The following NEB variants were observed in gnomAD, a reference collection of about 807,000 sequenced individuals.
NEB encodes the protein nebulin, also known as nemaline myopathy type 2.
A neutral mutation model predicts 952.2 loss-of-function variants in NEB; 512 were observed. That is an observed-to-expected ratio of 0.54 (90% CI 0.50 to 0.58). The LOEUF is 0.58. Among genes scored for constraint, NEB ranks in the 20% least tolerant of loss-of-function variants. The pLI is 0.00. For synonymous variants in NEB, 2,900 were observed against 3,149.8 expected (o/e 0.92, Z 2.66); for missense variants, 8,428 against 9,231.1 (o/e 0.91, Z 3.56).
chr2:151,688,268 G>A, intron 25 of NEB, 24 bp downstream of exon 25: 2 of 1,507,118 alleles, frequency 1.3e-6, no homozygotes, highest in Non-Finnish European at 1.8e-6. Context: ...ACCAAACATA[G>A]GCTTCTGTGG....
chr2:151,501,144 A>C lies in NEB; in HGVS notation c.24021+247T>G, dbSNP rs559228102. Among the ~76,000 whole-genome samples, 106 of 152,320 alleles carry C rather than the reference A, an allele frequency of 7.0e-4. 1 individual carries two copies. The highest frequency in any genetic ancestry group is 2.5e-3 in the African/African-American group (104 of 41,570). On this transcript the variant is annotated intron_variant, in intron 168 of 181. Transcript: ENST00000397345. ...TTTCTGGAAATCAATTAACTTCAAC[A>C]GTCCCAACAACATAAAGATGAAAAG... is the stretch of plus-strand genomic sequence containing the variant.
Position 151,625,567 on chromosome 2 carries a change from C to T in NEB, c.10419G>A (p.Met3473Ile), listed in dbSNP as rs368842783. Residue 3473 changes from methionine (M) to isoleucine (I), a missense_variant, in exon 71 of 182, where the codon ATG (methionine) becomes ATA (isoleucine). By Grantham distance (10) the Met-to-Ile change is conservative. Transcript: ENST00000397345. ...AATTTATTTTATTTTGTCTTGCCAACATGATTTCAGGTGTATCAGGCATAA... is the reference window on the plus strand; with the variant it reads ...AATTTATTTTATTTTGTCTTGCCAATATGATTTCAGGTGTATCAGGCATAA... The part of the protein sequence containing the change: ...VHIMPDTPEI[M>I]LARQNKINYS... The T allele has an allele frequency of 1.1e-4, 182 of 1,605,110 alleles. No homozygotes were observed. The highest frequency in any genetic ancestry group is 1.5e-4 in the Non-Finnish European group (176 of 1,173,918).
chr2:151,644,274 G>C, intron 56 of NEB, 145 bp from the exon 57 acceptor site: 6 of 1,245,830 alleles, frequency 4.8e-6, no homozygotes, highest in Non-Finnish European at 6.7e-6. Context: ...AAGATTAAAG[G>C]CTAAATTCAG....
chr2:151,595,088 G>A (rs1225306721), intron 92 of NEB, among the ~76,000 whole-genome samples: 1 of 100,472 alleles, frequency 1.0e-5, no homozygotes, highest in Admixed American at 9.5e-5. Flanking sequence ...AGCAGATAAC[G>A]TGGACTAGCT....
intron 45 of NEB, among the ~76,000 whole-genome samples, chr2:151,662,742 A>G (rs2099162405): frequency 6.6e-6 from 1 of 152,178 alleles, no homozygotes; most frequent in Non-Finnish European, 1.5e-5. Context: ...ATGACTATGG[A>G]AACCCCATTT....
At chr2:151,680,893 C>A in intron 29 of NEB, 65 bp from the exon 30 acceptor site, 1 of 1,257,438 alleles carries the variant, frequency 8.0e-7, no homozygotes, top group Non-Finnish European at 1.2e-6. Context: ...ACGTCAAAAT[C>A]CTTGAAATTT....
intron 35 of NEB, 116 bp downstream of exon 35, chr2:151,675,171 G>T: frequency 2.6e-6 from 2 of 771,046 alleles, no homozygotes; most frequent in Non-Finnish European, 4.5e-6. Context: ...ATATGTTCCA[G>T]TAGGGGATTT....
intron 115 of NEB, 53 bp from the exon 116 acceptor site, chr2:151,565,658 C>A: frequency 2.6e-6 from 4 of 1,565,200 alleles, no homozygotes; most frequent in Non-Finnish European, 3.5e-6. Flanking sequence ...GGTTATCTAC[C>A]CCAACATGGC....
At position 151,727,818 on chromosome 2, in the gene NEB, G is replaced by A; in HGVS notation, c.167C>T (p.Ala56Val). The A allele has an allele frequency of 6.2e-7, 1 of 1,613,378 alleles. No individual in the cohort carries two copies. Among genetic ancestry groups the A allele is most frequent in the Non-Finnish European group, 8.5e-7 (1 of 1,179,648 alleles). The change falls in exon 5 of 182, where the codon GCA becomes GTA. Residue 56 changes from alanine to valine, a missense_variant. By Grantham distance (64) the Ala-to-Val change is moderately conservative. Coordinates refer to ENST00000397345, the MANE Select transcript of NEB (RefSeq NM_001164508.2). Reference sequence around the variant, plus strand: ...CTTTGCTGATGCTGGCTGTGCCAGTGCTGGCTGTGCCAGAGCTGGTTTGGA... The same window carrying A: ...CTTTGCTGATGCTGGCTGTGCCAGTACTGGCTGTGCCAGAGCTGGTTTGGA... ...ETSKPALAQP[A>V]LAQPASAKPV...
At chr2:151,568,836 G>A (rs138997554) in intron 110 of NEB, 120 bp from the exon 111 acceptor site, 46 of 711,502 alleles carry the variant, frequency 6.5e-5, no homozygotes, top group Middle Eastern at 2.5e-4. Context: ...TTTGAATAGC[G>A]TCTTCTTGGG....
intron 7 of NEB, 31 bp downstream of exon 7, chr2:151,724,826 A>C (rs1160148199): frequency 6.4e-7 from 1 of 1,567,428 alleles, no homozygotes; most frequent in South Asian, 1.1e-5. Context: ...CATGCTACTG[A>C]GTACCCCAGC....
intron 124 of NEB, among the ~76,000 whole-genome samples, chr2:151,557,611 A>G (rs868071535): frequency 1.4e-4 from 21 of 152,360 alleles, no homozygotes; most frequent in Middle Eastern, 3.4e-3. Context: ...TCGATGTGAA[A>G]ATACTCAATA....
intron 36 of NEB, 70 bp from the exon 37 acceptor site, chr2:151,672,750 T>A: frequency 1.5e-6 from 2 of 1,336,852 alleles, no homozygotes; most frequent in South Asian, 2.9e-5. Context: ...TACATTCACA[T>A]ATAAAGACAC....
chr2:151,575,024 G>A (rs1398910279), intron 107 of NEB, among the ~76,000 whole-genome samples: 1 of 152,158 alleles, frequency 6.6e-6, no homozygotes, highest in Non-Finnish European at 1.5e-5. Flanking sequence ...ATAGGCATGA[G>A]CCACCATGCC....
At chr2:151,610,491 A>G (rs2097908526) in intron 80 of NEB, 25 bp downstream of exon 80, 1 of 1,554,376 alleles carries the variant, frequency 6.4e-7, no homozygotes, top group African/African-American at 1.4e-5. Flanking sequence ...TGGAGACCAC[A>G]GAGAGTTAGA....
At chr2:151,505,434 A>AGAT in intron 165 of NEB, 44 bp downstream of exon 165, 1 of 1,496,050 alleles carries the variant, frequency 6.7e-7, no homozygotes, top group Non-Finnish European at 9.3e-7. Flanking sequence ...AGCAATTGAG[A>AGAT]GATGGCCAGT....
At position 151,562,124 on chromosome 2, in the gene NEB, C is replaced by T. The variant is rs377429434; in HGVS notation, c.18982G>A (p.Asp6328Asn). Residue 6328 changes from aspartate to asparagine, a missense_variant, in exon 121 of 182, where the codon GAC becomes AAC. By Grantham distance (23) the Asp-to-Asn change is conservative (BLOSUM62 1). This residue lies in a region of NEB where 3,374 missense variants were observed against 3,651.5 expected (regional missense o/e 0.92). Transcript: ENST00000397345. ...PQILHAKKSYDLQSQLQYTAA... is the reference protein window; with the variant it reads ...PQILHAKKSYNLQSQLQYTAA... ...AGGTGGCTCACCTGACTCTGAAGGT[C>T]GTATGATTTCTTGGCATGGAGGATT... 28 of 1,613,222 alleles carry T rather than the reference C, an allele frequency of 1.7e-5. No individual in the cohort carries two copies. The highest frequency in any genetic ancestry group is 1.6e-4 in the Middle Eastern group (1 of 6,072).
chr2:151,730,069 CAATAAACTAAA>C (rs2099802142), intron 3 of NEB, among the ~76,000 whole-genome samples: 2 of 152,010 alleles, frequency 1.3e-5, no homozygotes, highest in Admixed American at 6.6e-5. Context: ...TGCAAACTAA[CAATAAACTAAA>C]ACAGAAACTC....
rs1186124591 is a variant in NEB at position 151,630,775 on chromosome 2, G to T, written c.9663C>A (p.His3221Gln). The T allele has an allele frequency of 6.2e-7, 1 of 1,611,824 alleles. No individual in the cohort carries two copies. The highest frequency in any genetic ancestry group is 1.7e-5 in the Admixed American group (1 of 59,776). ...EAWDKDKTQIHIMPDTPEIML... is the reference protein window; with the variant it reads ...EAWDKDKTQIQIMPDTPEIML... ...TAATCTCTGGTGTATCAGGCATTAT[G>T]TGAATTTGAGTCTTGTCTTTGTCCC... Residue 3221 changes from histidine (H) to glutamine (Q), a missense_variant, in exon 67 of 182, where the codon CAC (histidine) becomes CAA (glutamine). Around this residue, in one of 11 missense-constraint regions of NEB, gnomAD observed 1,772 missense variants for 1,960.3 expected, o/e 0.90. Transcript: ENST00000397345.
Sources: allele counts gnomAD v4.1 joint callset (sites outside exome capture counted in the v4.1 genomes callset), GRCh38; gene constraint gnomAD v4.1.1; regional missense constraint gnomAD v4.1.1; transcripts MANE v1.5; gene names NCBI Gene and HGNC (gene_info 2026-07-23, HGNC 2026-07-21).